Variants in SLC14A2 observed in about 807,000 individuals in gnomAD.
SLC14A2 encodes urea transporter 2.
A neutral mutation model predicts 104.6 loss-of-function variants in SLC14A2; 91 were observed. That is an observed-to-expected ratio of 0.87 (90% CI 0.73 to 1.04). SLC14A2 has a LOEUF of 1.04. Among genes scored for constraint, SLC14A2 ranks in the 50% least tolerant of loss-of-function variants. The pLI is 0.00. For missense variants in SLC14A2, 1,189 were observed against 1,156.0 expected, an observed-to-expected ratio of 1.03 and a Z score of -0.41; for synonymous variants, 476 against 466.4, an observed-to-expected ratio of 1.02 and a Z score of -0.27.
intron 1 of SLC14A2, among the ~76,000 whole-genome samples, chr18:45,425,250 C>G (rs930182704): frequency 6.6e-6 from 1 of 152,172 alleles, no homozygotes; most frequent in African/African-American, 2.4e-5. Context: ...TTTAAGATGG[C>G]CTTCCAACCC....
At chr18:45,170,553 G>C in the SLC14A2 span, among the ~76,000 whole-genome samples, 1 of 152,224 alleles carries the variant, frequency 6.6e-6, no homozygotes, top group Non-Finnish European at 1.5e-5. Flanking sequence ...TTGGTTCAGT[G>C]TCCTGCAAGA....
At chr18:45,419,338 G>C (rs1034735800) in intron 1 of SLC14A2, among the ~76,000 whole-genome samples, 1 of 152,196 alleles carries the variant, frequency 6.6e-6, no homozygotes, top group Non-Finnish European at 1.5e-5. Flanking sequence ...GTGTGTAGGT[G>C]AGGCTTAAAG....
At chr18:45,565,279 C>A (rs1006266017) in intron 2 of SLC14A2, among the ~76,000 whole-genome samples, 1 of 152,112 alleles carries the variant, frequency 6.6e-6, no homozygotes, top group Non-Finnish European at 1.5e-5. Context: ...CGCCCGCCAC[C>A]AAGCCCTGCT....
At chr18:45,251,921 G>A (rs2084427614) in intron 1 of SLC14A2, among the ~76,000 whole-genome samples, 1 of 152,180 alleles carries the variant, frequency 6.6e-6, no homozygotes, top group Non-Finnish European at 1.5e-5. Context: ...GATGATGACA[G>A]AGTCTCTCCT....
chr18:45,667,987 G>T lies in SLC14A2; in HGVS notation c.1872G>T (p.Met624Ile). 1.2e-6 allele frequency: 2 copies of T among 1,614,070 alleles called. No individual in the cohort carries two copies. The highest frequency in any genetic ancestry group is 1.7e-6 in the Non-Finnish European group (2 of 1,180,000). ...TCTCAGGCTGCCTGGGTACCATCATGTCCACCTTGACAGCCCTCATCCTGA... is the reference window on the plus strand; with the variant it reads ...TCTCAGGCTGCCTGGGTACCATCATTTCCACCTTGACAGCCCTCATCCTGA... Reference protein sequence around the residue: ...WAISGCLGTIMSTLTALILSQ... With the variant: ...WAISGCLGTIISTLTALILSQ... Residue 624 changes from methionine to isoleucine, a missense_variant, in exon 14 of 20, where the codon ATG (methionine) becomes ATT (isoleucine). By Grantham distance (10) the Met-to-Ile change is conservative (BLOSUM62 1). Coordinates refer to ENST00000255226, the MANE Select transcript of SLC14A2 (RefSeq NM_007163.4).
rs560035117 is a variant in SLC14A2, at chr18:45,281,345, G to A, written c.-125+68154G>A. ...TCATACCATACACACACACGTGCAC[G>A]TGGACAGACACATCAGCAATGACTC... is the stretch of plus-strand genomic sequence containing the variant. On this transcript the variant is annotated intron_variant, in intron 1 of 20. Coordinates refer to the SLC14A2 transcript ENST00000586448. 1.5e-4 allele frequency among the ~76,000 whole-genome samples: 23 copies of A among 152,160 alleles called. No homozygotes were observed. In the South Asian group the frequency reaches 4.8e-3, roughly 32 times the overall value.
At position 45,358,049 on chromosome 18, in the gene SLC14A2, A is replaced by G. The variant is rs146615386; in HGVS notation, c.-124-125184A>G. 4.5e-3 allele frequency among the ~76,000 whole-genome samples: 681 copies of G among 152,326 alleles called. 8 individuals are homozygous for G. The highest frequency in any genetic ancestry group is 0.038 in the South Asian group (182 of 4,824). On this transcript the variant is annotated intron_variant, in intron 1 of 20. Transcript: ENST00000586448. The stretch of plus-strand genomic sequence containing the variant: ...AATAAACTCTCTGAAGGAGAGAGAG[A>G]GGCAGAGCAGAGAGGTTTGGTGGTC...
At chr18:45,622,286 T>A (rs961839806) in intron 1 of SLC14A2, among the ~76,000 whole-genome samples, 5 of 152,068 alleles carry the variant, frequency 3.3e-5, no homozygotes, top group Non-Finnish European at 1.5e-5. Context: ...ATTGTTAAAT[T>A]TAGAGAGTAA....
intron 1 of SLC14A2, among the ~76,000 whole-genome samples, chr18:45,469,210 G>A (rs1433223186): frequency 2.0e-5 from 3 of 152,274 alleles, no homozygotes; most frequent in South Asian, 2.1e-4. Context: ...TGGATGGAAC[G>A]GTGTGTAAGA....
chr18:45,170,334 T>C, the SLC14A2 span, among the ~76,000 whole-genome samples: 1 of 152,078 alleles, frequency 6.6e-6, no homozygotes, highest in East Asian at 1.9e-4. Context: ...GTTCAAGGTG[T>C]CTTTGGGAAA....
intron 1 of SLC14A2, among the ~76,000 whole-genome samples, chr18:45,617,656 CCTCCCTGAT>C (rs1040785865): frequency 6.6e-6 from 1 of 152,148 alleles, no homozygotes; most frequent in Admixed American, 6.5e-5. Context: ...GGATTCCTCC[CCTCCCTGAT>C]CTCCCTGATG....
intron 1 of SLC14A2, among the ~76,000 whole-genome samples, chr18:45,291,834 G>C (rs1892536454): frequency 6.6e-6 from 1 of 152,046 alleles, no homozygotes; most frequent in African/African-American, 2.4e-5. Context: ...GGCGGTTGGG[G>C]GGGTGGGGAA....
intron 13 of SLC14A2, 88 bp downstream of exon 13, chr18:45,667,182 T>C (rs2046040505): frequency 1.3e-5 from 14 of 1,043,796 alleles, no homozygotes; most frequent in Admixed American, 2.5e-5. Flanking sequence ...GGGGGTTCCC[T>C]ATAGACTAGA....
At chr18:45,542,052 TTTTTTTTTTTTTTTTTTTTTG>T (rs2043895646) in intron 2 of SLC14A2, among the ~76,000 whole-genome samples, 2 of 130,704 alleles carry the variant, frequency 1.5e-5, no homozygotes, top group Admixed American at 1.7e-4. Flanking sequence ...TTTTTTTTTT[TTTTTTTTTTTTTTTTTTTTTG>T]CTTTTGAGTT....
intron 1 of SLC14A2, among the ~76,000 whole-genome samples, chr18:45,305,045 T>C (rs2085005000): frequency 6.6e-6 from 1 of 152,216 alleles, no homozygotes. Context: ...TGTGGTCAAA[T>C]ACAAATGAGT....
At chr18:45,342,808 A>G (rs1376943031) in intron 1 of SLC14A2, among the ~76,000 whole-genome samples, 2 of 152,284 alleles carry the variant, frequency 1.3e-5, no homozygotes, top group African/African-American at 4.8e-5. Flanking sequence ...TGACAATGCA[A>G]TCTAGTGACT....
chr18:45,361,162 A>G (rs1255750431), intron 1 of SLC14A2, among the ~76,000 whole-genome samples: 1 of 152,194 alleles, frequency 6.6e-6, no homozygotes, highest in African/African-American at 2.4e-5. Flanking sequence ...CCTCTGATAC[A>G]GCACAGATGA....
intron 1 of SLC14A2, among the ~76,000 whole-genome samples, chr18:45,272,679 C>T (rs1021277739): frequency 2.0e-5 from 3 of 151,914 alleles, no homozygotes; most frequent in African/African-American, 7.3e-5. Flanking sequence ...ATGAATAAGA[C>T]CTACTATTTG....
chr18:45,251,479 G>C (rs1468271994), intron 1 of SLC14A2, among the ~76,000 whole-genome samples: 3 of 152,222 alleles, frequency 2.0e-5, no homozygotes, highest in Non-Finnish European at 4.4e-5. Context: ...AACCTCGGTA[G>C]TGTATTGTTT....
Sources: gnomAD v4.1 joint callset for allele counts (sites outside exome capture counted in the v4.1 genomes callset) on GRCh38, gnomAD v4.1.1 for gene constraint, MANE v1.5 for transcripts, NCBI Gene and HGNC (gene_info 2026-07-23, HGNC 2026-07-21) for gene names.